The following MARCHF1 variants were observed in gnomAD, a reference collection of about 807,000 sequenced individuals.
MARCHF1 encodes the protein E3 ubiquitin-protein ligase MARCHF1.
Under a neutral mutation model 54.2 loss-of-function variants are expected in MARCHF1, and 40 were observed. That is an observed-to-expected ratio of 0.74 (90% CI 0.57 to 0.96). The LOEUF (loss-of-function observed/expected upper bound fraction) is 0.96, where lower values mean the gene tolerates loss of function less well. Among genes scored for constraint, MARCHF1 ranks in the 40% least tolerant of loss-of-function variants. The pLI is 0.00. For synonymous variants in MARCHF1, 236 were observed against 236.3 expected, an observed-to-expected ratio of 1.00 and a Z score of 0.01; for missense variants, 586 against 656.5, an observed-to-expected ratio of 0.89 and a Z score of 1.17.
intron 1 of MARCHF1, among the ~76,000 whole-genome samples, chr4:164,220,929 G>A (rs371678892): frequency 3.3e-5 from 5 of 151,602 alleles, no homozygotes; most frequent in East Asian, 1.9e-4. Context: ...GTATTTTACA[G>A]GCACTTTAAG....
At chr4:163,883,270 AG>A (rs1750458871) in intron 3 of MARCHF1, among the ~76,000 whole-genome samples, 2 of 151,506 alleles carry the variant, frequency 1.3e-5, no homozygotes, top group Non-Finnish European at 1.5e-5. Context: ...AGAGAGAGAG[AG>A]AGAGAGAGAG....
rs1207613733 is a variant in MARCHF1 at position 163,526,466 on chromosome 4, C to T, written c.*2282G>A. ...AAGCAGCATGTTGCCATTACTAACC[C>T]ACAGGGAAAATGGATTAGTAAAAAG... On this transcript the variant is annotated 3_prime_UTR_variant, in exon 10 of 10. Transcript: ENST00000514618. 6.6e-6 allele frequency: 1 copy of T among 151,978 alleles called. No homozygotes were observed. The highest frequency in any genetic ancestry group is 1.5e-5 in the Non-Finnish European group (1 of 67,932). The allele number at this position is 151,978 out of a possible 1,614,324, so 9.4% of individuals were successfully genotyped here. A position where few individuals can be genotyped will look rare whatever the true frequency, so the allele number is the denominator to read the frequency against.
At chr4:163,562,296 A>AAAAAC (rs67047524) in intron 8 of MARCHF1, among the ~76,000 whole-genome samples, 8,983 of 150,118 alleles carry the variant, frequency 0.06, 500 homozygotes, top group East Asian at 0.21. Context: ...ACTCTGTCTC[A>AAAAAC]AAAACAAAAC....
At chr4:164,377,880 G>A (rs547583004) in intron 1 of MARCHF1, among the ~76,000 whole-genome samples, 1 of 152,286 alleles carries the variant, frequency 6.6e-6, no homozygotes, top group East Asian at 1.9e-4. Context: ...TTTGGAGTTA[G>A]CTGTATTGCG....
intron 4 of MARCHF1, among the ~76,000 whole-genome samples, chr4:163,760,066 T>G (rs1284744271): frequency 6.6e-6 from 1 of 152,224 alleles, no homozygotes; most frequent in Non-Finnish European, 1.5e-5. Flanking sequence ...AATCCAGGTA[T>G]CAGCAAGATT....
intron 1 of MARCHF1, among the ~76,000 whole-genome samples, chr4:164,272,373 C>CA (rs1245522014): frequency 4.0e-5 from 6 of 151,790 alleles, no homozygotes; most frequent in Non-Finnish European, 8.8e-5. Flanking sequence ...AATTTTCCAG[C>CA]AAAAAAATAA....
intron 7 of MARCHF1, among the ~76,000 whole-genome samples, chr4:163,601,277 T>C (rs888085125): frequency 6.6e-6 from 1 of 152,156 alleles, no homozygotes; most frequent in Admixed American, 6.6e-5. Context: ...CTGTACCCAG[T>C]ATTCATGTTT....
chr4:163,733,201 A>ACATACACATG lies in MARCHF1; in HGVS notation c.112-32339_112-32338insCATGTGTATG, dbSNP rs1193985457. 4.3e-3 allele frequency among the ~76,000 whole-genome samples: 147 copies of ACATACACATG among 34,256 alleles called. 9 individuals are homozygous for ACATACACATG. The East Asian group carries it at 0.054, about 13-fold the overall frequency. The allele number at this position is 34,256 out of a possible 152,430, so 22.5% of individuals were successfully genotyped here. A position where few individuals can be genotyped will look rare whatever the true frequency, so the allele number is the denominator to read the frequency against. On this transcript the variant is annotated intron_variant, in intron 4 of 9. Coordinates refer to ENST00000514618, the MANE Select transcript of MARCHF1 (RefSeq NM_001394959.1). ...TGTATATATATATATATATATATAT[A>ACATACACATG]TATATATATATATATATATACACGT...
In MARCHF1 at chr4:163,587,450, A is replaced by C. The variant is rs1740446632; in HGVS notation, c.1011-1521T>G. Among the ~76,000 whole-genome samples, 3 of 152,234 alleles carry C rather than the reference A, an allele frequency of 2.0e-5. No individual in the cohort carries two copies. In the South Asian group the frequency reaches 6.2e-4, roughly 32 times the overall value. On this transcript the variant is annotated intron_variant, in intron 7 of 9. Transcript: ENST00000514618. ...TACTATGCAGCCATAAAAAGAATGA[A>C]ATCATGTCTCTTGCAGCAACATGGA... is the stretch of plus-strand genomic sequence containing the variant.
chr4:164,261,982 G>C (rs892894506), intron 1 of MARCHF1, among the ~76,000 whole-genome samples: 1 of 151,810 alleles, frequency 6.6e-6, no homozygotes, highest in African/African-American at 2.4e-5. Flanking sequence ...GTGTGTGTGT[G>C]TGGTCCCAGC....
intron 3 of MARCHF1, among the ~76,000 whole-genome samples, chr4:163,980,298 A>C (rs1293345030): frequency 7.3e-6 from 1 of 136,976 alleles, no homozygotes; most frequent in Non-Finnish European, 1.6e-5. Context: ...TGGTGCTGGG[A>C]AAACTGGCTA....
intron 5 of MARCHF1, among the ~76,000 whole-genome samples, chr4:163,663,348 C>G (rs942760769): frequency 6.6e-6 from 1 of 151,932 alleles, no homozygotes; most frequent in Admixed American, 6.6e-5. Context: ...GACCACCCCC[C>G]AGGGCAGCCA....
chr4:163,866,844 C>T (rs1436246982), intron 3 of MARCHF1, among the ~76,000 whole-genome samples: 1 of 151,794 alleles, frequency 6.6e-6, no homozygotes, highest in African/African-American at 2.4e-5. Context: ...AAAGAAAAGA[C>T]ATAAGGAGAA....
chr4:164,138,677 T>C (rs1756456185), intron 1 of MARCHF1, among the ~76,000 whole-genome samples: 1 of 152,180 alleles, frequency 6.6e-6, no homozygotes, highest in Admixed American at 6.5e-5. Context: ...CTCCTCTACT[T>C]GCCTTGGTGA....
At chr4:163,558,290 C>T (rs1318919249) in intron 8 of MARCHF1, among the ~76,000 whole-genome samples, 1 of 152,080 alleles carries the variant, frequency 6.6e-6, no homozygotes, top group Admixed American at 6.5e-5. Context: ...TCATGGAATT[C>T]GTTCAAAAGG....
intron 5 of MARCHF1, among the ~76,000 whole-genome samples, chr4:163,666,190 G>A (rs1008652668): frequency 1.3e-5 from 2 of 152,032 alleles, no homozygotes; most frequent in Non-Finnish European, 1.5e-5. Context: ...ATTTGTTCAC[G>A]AGTCTTCTGA....
At chr4:164,075,826 A>G (rs1255956942) in intron 2 of MARCHF1, among the ~76,000 whole-genome samples, 3 of 152,152 alleles carry the variant, frequency 2.0e-5, no homozygotes, top group Non-Finnish European at 4.4e-5. Flanking sequence ...ACTGAGGCTG[A>G]TATGAACTCA....
At position 164,020,835 on chromosome 4, in the gene MARCHF1, G is replaced by A. The variant is rs966506494; in HGVS notation, c.-247-32126C>T. Among the ~76,000 whole-genome samples the A allele has an allele frequency of 3.3e-5, 5 of 152,316 alleles. 1 individual carries two copies. The East Asian group carries it at 7.7e-4, about 24-fold the overall frequency. On this transcript the variant is annotated intron_variant, in intron 2 of 9. Transcript: ENST00000514618. The stretch of plus-strand genomic sequence containing the variant: ...AGTCCTAGCTACTGCAGAGGCTGAG[G>A]TGGGAGGATCGCTTGAGCCCAGGAG...
At chr4:164,238,029 C>G (rs1051125903) in intron 1 of MARCHF1, among the ~76,000 whole-genome samples, 8 of 152,030 alleles carry the variant, frequency 5.3e-5, no homozygotes, top group African/African-American at 1.7e-4. Context: ...AACAATTAAA[C>G]TAATATAATT....
Sources: gnomAD v4.1 joint callset for allele counts (sites outside exome capture counted in the v4.1 genomes callset) on GRCh38, gnomAD v4.1.1 for gene constraint, MANE v1.5 for transcripts, NCBI Gene and HGNC (gene_info 2026-07-23, HGNC 2026-07-21) for gene names.